DYNC1I1: variants seen among roughly 807,000 people sequenced by gnomAD.
DYNC1I1 encodes dynein cytoplasmic 1 intermediate chain 1, also known as cytoplasmic dynein 1 intermediate chain 1.
DYNC1I1 carries 43 observed loss-of-function variants against 86.6 expected under a neutral mutation model. The ratio of observed to expected loss-of-function variants is 0.50; its 90% CI spans 0.39 to 0.64. The LOEUF is 0.64. Ranked by LOEUF, DYNC1I1 falls within the 30% of genes least tolerant of loss-of-function variation. The probability of loss-of-function intolerance (pLI) is 0.00; values close to 1 mark genes in which losing one functional copy is unlikely to be tolerated. For missense variants in DYNC1I1, 604 were observed against 788.8 expected (o/e 0.77, Z 2.81); for synonymous variants, 262 against 283.7 (o/e 0.92, Z 0.77).
intron 6 of DYNC1I1, among the ~76,000 whole-genome samples, chr7:95,972,188 C>T (rs574664966): frequency 1.3e-3 from 196 of 152,188 alleles, no homozygotes; most frequent in African/African-American, 4.5e-3. Context: ...GTGCTGACAA[C>T]GCCTCTAGTG....
intron 5 of DYNC1I1, among the ~76,000 whole-genome samples, chr7:95,849,267 C>T (rs560591338): frequency 1.6e-4 from 24 of 152,176 alleles, no homozygotes; most frequent in African/African-American, 4.1e-4. Context: ...GCAGCATGTG[C>T]TTTTGAGGTC....
intron 5 of DYNC1I1, among the ~76,000 whole-genome samples, chr7:95,830,324 T>C (rs182689870): frequency 1.3e-5 from 2 of 152,122 alleles, no homozygotes; most frequent in Admixed American, 6.6e-5. Context: ...ACATTAATCA[T>C]CCCCAGAGTT....
At chr7:95,840,497 C>T (rs1039458231) in intron 5 of DYNC1I1, among the ~76,000 whole-genome samples, 5 of 152,178 alleles carry the variant, frequency 3.3e-5, no homozygotes, top group African/African-American at 7.2e-5. Flanking sequence ...CTATTGTGAA[C>T]ATCTTCATGA....
rs1384650229 is a variant in DYNC1I1, at chr7:95,905,593, T to C, written c.490+35595T>C. 2.0e-5 allele frequency among the ~76,000 whole-genome samples: 3 copies of C among 152,274 alleles called. No homozygotes were observed. In the East Asian group the frequency reaches 5.8e-4, roughly 29 times the overall value. On this transcript the variant is annotated intron_variant, in intron 6 of 16. Transcript: ENST00000447467. The stretch of plus-strand genomic sequence containing the variant: ...ACTCACGTGGGGTCCCTGATTATGC[T>C]GAAGGGTTTATCCTCCATTTTATTG...
chr7:96,041,405 G>C (rs1789048329), intron 14 of DYNC1I1, among the ~76,000 whole-genome samples: 1 of 152,112 alleles, frequency 6.6e-6, no homozygotes, highest in Non-Finnish European at 1.5e-5. Flanking sequence ...CTGTGGAAGA[G>C]GATTTAGCAA....
intron 5 of DYNC1I1, among the ~76,000 whole-genome samples, chr7:95,845,468 T>G (rs777110088): frequency 6.6e-6 from 1 of 152,212 alleles, no homozygotes; most frequent in Non-Finnish European, 1.5e-5. Flanking sequence ...TGGCTTATTC[T>G]CCAAGCTTTG....
At chr7:95,824,671 G>T (rs932962972) in intron 4 of DYNC1I1, among the ~76,000 whole-genome samples, 8 of 152,338 alleles carry the variant, frequency 5.3e-5, no homozygotes, top group Admixed American at 5.2e-4. Context: ...ATCAGGCAGA[G>T]AAGAATGTTA....
At chr7:95,898,395 G>A (rs1477583652) in intron 6 of DYNC1I1, among the ~76,000 whole-genome samples, 1 of 152,118 alleles carries the variant, frequency 6.6e-6, no homozygotes, top group Non-Finnish European at 1.5e-5. Flanking sequence ...TAGATAACAT[G>A]ACTAAAAATG....
intron 6 of DYNC1I1, among the ~76,000 whole-genome samples, chr7:95,971,369 C>T (rs996985903): frequency 8.6e-5 from 13 of 152,044 alleles, no homozygotes; most frequent in Non-Finnish European, 1.8e-4. Flanking sequence ...AGGGGTTAAG[C>T]CTTTTTCTAT....
intron 11 of DYNC1I1, among the ~76,000 whole-genome samples, chr7:96,031,676 T>A (rs1432293224): frequency 1.3e-5 from 2 of 152,174 alleles, no homozygotes; most frequent in African/African-American, 2.4e-5. Context: ...TTTCCAATAT[T>A]AAATATTGTT....
chr7:95,942,969 G>A (rs936932831), intron 6 of DYNC1I1, among the ~76,000 whole-genome samples: 2 of 142,852 alleles, frequency 1.4e-5, no homozygotes, highest in African/African-American at 2.6e-5. Context: ...GCACAAGACA[G>A]GGAGGCCCTC....
In DYNC1I1 at chr7:95,963,273, G is replaced by A. The variant is rs77846401; in HGVS notation, c.491-14239G>A. On this transcript the variant is annotated intron_variant, in intron 6 of 16. Coordinates refer to ENST00000447467, the MANE Select transcript of DYNC1I1 (RefSeq NM_001135556.2). ...ATTTAATTTTCAGAGCACATCTCCAGGCATTCTCTCTTCTGATGTAGATAT... is the reference window on the plus strand; with the variant it reads ...ATTTAATTTTCAGAGCACATCTCCAAGCATTCTCTCTTCTGATGTAGATAT... Among the ~76,000 whole-genome samples, 33 of 152,040 alleles carry A rather than the reference G, an allele frequency of 2.2e-4. 1 individual carries two copies. The highest frequency in any genetic ancestry group is 2.2e-3 in the Admixed American group (33 of 15,248).
chr7:95,923,996 C>T (rs9690804), intron 6 of DYNC1I1, among the ~76,000 whole-genome samples: 2 of 152,006 alleles, frequency 1.3e-5, no homozygotes, highest in African/African-American at 4.8e-5. Flanking sequence ...GTATTATTTG[C>T]CAAGGAAAAA....
Position 95,797,722 on chromosome 7 carries a change from A to G in DYNC1I1, c.-9-6999A>G, listed in dbSNP as rs959283632. Among the ~76,000 whole-genome samples, 8 of 152,346 alleles carry G rather than the reference A, an allele frequency of 5.3e-5. No individual in the cohort carries two copies. The East Asian group carries it at 1.5e-3, about 29-fold the overall frequency. On this transcript the variant is annotated intron_variant, in intron 1 of 16. Transcript: ENST00000447467. ...AAACTGCTATTTGTTGACTTTTGGTATAATAGTGAAGAATATCCACAATTA... is the reference window on the plus strand; with the variant it reads ...AAACTGCTATTTGTTGACTTTTGGTGTAATAGTGAAGAATATCCACAATTA...
At chr7:95,817,268 A>G (rs1009893350) in intron 4 of DYNC1I1, among the ~76,000 whole-genome samples, 10 of 152,066 alleles carry the variant, frequency 6.6e-5, no homozygotes, top group African/African-American at 1.7e-4. Context: ...CTTTTTACCA[A>G]TGAGGACACT....
At chr7:96,080,728 C>G (rs905200124) in intron 16 of DYNC1I1, among the ~76,000 whole-genome samples, 2 of 152,104 alleles carry the variant, frequency 1.3e-5, no homozygotes, top group Admixed American at 1.3e-4. Flanking sequence ...TGTAGAATGT[C>G]CCATCATCCT....
At chr7:96,096,526 AT>A (rs967005734) in intron 16 of DYNC1I1, among the ~76,000 whole-genome samples, 8 of 151,586 alleles carry the variant, frequency 5.3e-5, no homozygotes, top group Non-Finnish European at 8.9e-5. Context: ...TCATCCTCAA[AT>A]TTTTTTTTCT....
chr7:96,028,922 A>G (rs7781959), intron 11 of DYNC1I1, among the ~76,000 whole-genome samples: 71,159 of 152,000 alleles, frequency 0.47, 17,346 homozygotes, highest in East Asian at 0.61. Context: ...TTTCCTTTAA[A>G]AGAATGACAG....
intron 1 of DYNC1I1, among the ~76,000 whole-genome samples, chr7:95,782,324 T>A (rs1394252788): frequency 6.6e-6 from 1 of 152,232 alleles, no homozygotes; most frequent in Non-Finnish European, 1.5e-5. Context: ...CTATTCCTGC[T>A]AATAACTACA....
Sources: allele counts gnomAD v4.1 joint callset (sites outside exome capture counted in the v4.1 genomes callset), GRCh38; gene constraint gnomAD v4.1.1; transcripts MANE v1.5; gene names NCBI Gene and HGNC (gene_info 2026-07-23, HGNC 2026-07-21).